CFAP65: variants seen among roughly 807,000 people sequenced by gnomAD.
The protein encoded by CFAP65 is cilia and flagella associated protein 65, also known as cilia- and flagella-associated protein 65.
A neutral mutation model predicts 208.0 loss-of-function variants in CFAP65; 155 were observed. The ratio of observed to expected loss-of-function variants is 0.75; its 90% confidence interval spans 0.65 to 0.85. The LOEUF (loss-of-function observed/expected upper bound fraction) is 0.85, where lower values mean the gene tolerates loss of function less well. Ranked by LOEUF, CFAP65 falls within the 40% of genes least tolerant of loss-of-function variation. The probability of loss-of-function intolerance (pLI) is 0.00; values close to 1 mark genes in which losing one functional copy is unlikely to be tolerated. For missense variants in CFAP65, 2,294 were observed against 2,451.3 expected (o/e 0.94, Z 1.36); for synonymous variants, 970 against 986.3 (o/e 0.98, Z 0.31).
At chr2:219,029,766 G>C in intron 10 of CFAP65, 98 bp from the exon 11 acceptor site, 1 of 1,458,512 alleles carries the variant, frequency 6.9e-7, no homozygotes. Flanking sequence ...TACAGGCCCA[G>C]AGCCCTGGCA....
In CFAP65 at chr2:219,002,978, C is replaced by T. The variant is rs767706017; in HGVS notation, c.5737G>A (p.Val1913Ile). Residue 1913 changes from valine (V) to isoleucine (I), a missense_variant, in exon 35 of 35, where the codon GTA becomes ATA. Val to Ile is a conservative substitution (Grantham distance 29). Around this residue, in one of 2 missense-constraint regions of CFAP65, gnomAD observed 1,427 missense variants for 1,438.7 expected, o/e 0.99. Transcript: ENST00000341552. This position sits in a 1 kb window ranked among gnomAD's most constrained non-coding sequence, Gnocchi z 7.9. ...DTLLPTQQAE[V>I]LHPVVPLPTD... ...GGAAGTGGCACCACCGGGTGGAGTA[C>T]CTCTGCTTGCTGCGTCGGCAGCAGC... The T allele has an allele frequency of 6.4e-7, 1 of 1,565,890 alleles. No individual in the cohort carries two copies.
Position 219,004,015 on chromosome 2 carries a change from T to A in CFAP65, c.5492A>T (p.Gln1831Leu), listed in dbSNP as rs774247985. 30 of 1,613,980 alleles carry A rather than the reference T, an allele frequency of 1.9e-5. No individual in the cohort carries two copies. The highest frequency in any genetic ancestry group is 2.5e-5 in the Non-Finnish European group (29 of 1,180,030). ...CTTCACCATGACATTCAGCTGCTGT[T>A]GCCACTGCCATTGCATGGACTCCTG... Reference protein sequence around the residue: ...ESQESMQWQWQQQLNVMVKEE... With the variant: ...ESQESMQWQWLQQLNVMVKEE... Residue 1831 changes from glutamine (Q) to leucine (L), a missense_variant, in exon 33 of 35, where the codon CAA (glutamine) becomes CTA (leucine). By Grantham distance (113) the Gln-to-Leu change is moderately radical (BLOSUM62 -2). Around this residue, in one of 2 missense-constraint regions of CFAP65, gnomAD observed 1,427 missense variants for 1,438.7 expected, o/e 0.99. Transcript: ENST00000341552. The surrounding 1 kb of genome is among the most constrained non-coding windows in gnomAD (Gnocchi z 4.7).
chr2:219,014,196 A>C (rs1249074670), intron 21 of CFAP65, 152 bp from the exon 22 acceptor site: 9 of 565,368 alleles, frequency 1.6e-5, no homozygotes, highest in Non-Finnish European at 2.6e-5. Context: ...GTGCCTGAGC[A>C]AATGTGGCTG....
intron 21 of CFAP65, among the ~76,000 whole-genome samples, chr2:219,017,607 C>T (rs1946988821): frequency 6.6e-6 from 1 of 152,268 alleles, no homozygotes; most frequent in African/African-American, 2.4e-5. Flanking sequence ...CTCAGATGAT[C>T]TCCTGATGGA....
rs1344637525 is a variant in CFAP65 at position 219,004,957 on chromosome 2, TTCTC to T, written c.5051+473_5051+476del. 4.2e-5 allele frequency among the ~76,000 whole-genome samples: 6 copies of T among 144,102 alleles called. No homozygotes were observed. Among genetic ancestry groups the T allele is most frequent in the Admixed American group, 2.0e-4 (3 of 14,846 alleles). 94.5% of individuals were successfully genotyped at this position (144,102 alleles called of 152,430 possible). A position where few individuals can be genotyped will look rare whatever the true frequency, so the allele number is the denominator to read the frequency against. On this transcript the variant is annotated intron_variant, in intron 32 of 34. Coordinates refer to ENST00000341552, the MANE Select transcript of CFAP65 (RefSeq NM_194302.4). This position sits in a 1 kb window ranked among gnomAD's most constrained non-coding sequence, Gnocchi z 4.7. Reference sequence around the variant, plus strand: ...CTTTTTTCTTTCTTTCTTTCTTTCTTTCTCTCTCTTTCTTTCTTTCTCTCTTTCT... The same window carrying T: ...CTTTTTTCTTTCTTTCTTTCTTTCTTTCTCTTTCTTTCTTTCTCTCTTTCT...
In CFAP65 at chr2:219,006,169, G is replaced by T. The variant is rs575383861; in HGVS notation, c.4774C>A (p.Leu1592Met). ...GACACCTCCTCCTTTGGGGTCTGCA[G>T]TTTCCAGCTGGCAGGCCGGCTGACA... ...QSVSRPASWK[L>M]QTPKEEVSWP... Residue 1592 changes from leucine to methionine, a missense_variant, in exon 31 of 35, where the codon CTG (leucine) becomes ATG (methionine). This residue lies in a region of CFAP65 where 1,427 missense variants were observed against 1,438.7 expected (regional missense o/e 0.99). Transcript: ENST00000341552. 6 of 1,612,486 alleles carry T rather than the reference G, an allele frequency of 3.7e-6. No homozygotes were observed. In the African/African-American group the frequency reaches 4.0e-5, roughly 11 times the overall value.
chr2:219,027,499 A>G, intron 13 of CFAP65, 151 bp downstream of exon 13: 1 of 1,593,958 alleles, frequency 6.3e-7, no homozygotes, highest in Non-Finnish European at 8.5e-7. Context: ...GGAGGAGACA[A>G]ACTCATAGGG....
intron 23 of CFAP65, 63 bp from the exon 24 acceptor site, chr2:219,013,432 C>G (rs1325924421): frequency 2.6e-6 from 4 of 1,544,202 alleles, no homozygotes; most frequent in Non-Finnish European, 3.5e-6. Context: ...CCCCAGTTCC[C>G]CAGGAGAACA....
chr2:219,005,050 G>A (rs1945864185), intron 32 of CFAP65, among the ~76,000 whole-genome samples: 1 of 149,928 alleles, frequency 6.7e-6, no homozygotes, highest in Admixed American at 6.7e-5. Context: ...CTGTCTCCCA[G>A]GCTGGAGTAC....
rs951191150 is a variant in CFAP65 at position 219,030,179 on chromosome 2, G to A, written c.1191C>T (p.Ser397=). ...CCTGGTCTTCGGCCAGTTCATCCGG[G>A]GAAATTTCAATCCTGAAGGGGGCAT... ...AVNAPFRIEI[S]PDELAEDQAF... The change falls in exon 10 of 35, where the codon TCC becomes TCT. Residue 397 remains serine (S), a synonymous_variant. Coordinates refer to ENST00000341552, the MANE Select transcript of CFAP65 (RefSeq NM_194302.4). The A allele has an allele frequency of 1.2e-6, 2 of 1,613,992 alleles. No individual in the cohort carries two copies. The highest frequency in any genetic ancestry group is 2.7e-5 in the African/African-American group (2 of 74,886).
intron 4 of CFAP65, 61 bp downstream of exon 4, chr2:219,038,314 C>A: frequency 6.6e-7 from 1 of 1,523,090 alleles, no homozygotes; most frequent in Non-Finnish European, 9.0e-7. Context: ...ACTGCCCTGC[C>A]ACCCATGCCC....
rs773843180 is a variant in CFAP65, at chr2:219,010,979, AT to A, written c.3974del (p.Asn1325MetfsTer7). 5.0e-6 allele frequency: 8 copies of A among 1,607,960 alleles called. No individual in the cohort carries two copies. Among genetic ancestry groups the A allele is most frequent in the Non-Finnish European group, 6.8e-6 (8 of 1,175,214 alleles). ...LPPRQIYELY[N>X]GGSVPVTYEV... Reference sequence around the variant, plus strand: ...CATATGTCACGGGCACTGAGCCACCATTATACAGCTCATAAATCTGCAGGGG... The same window carrying A: ...CATATGTCACGGGCACTGAGCCACCATATACAGCTCATAAATCTGCAGGGG... On this transcript the variant is annotated frameshift_variant, in exon 25 of 35. Coordinates refer to ENST00000341552, the MANE Select transcript of CFAP65 (RefSeq NM_194302.4). LOFTEE classifies it high-confidence loss of function.
intron 27 of CFAP65, 35 bp from the exon 28 acceptor site, chr2:219,009,495 C>G (rs1170900379): frequency 6.9e-7 from 1 of 1,449,326 alleles, no homozygotes; most frequent in South Asian, 1.1e-5. Context: ...TGGAGATTCA[C>G]AGGGATGGAA....
chr2:219,023,516 G>A (rs577835584), intron 15 of CFAP65, 85 bp from the exon 16 acceptor site: 717 of 1,010,882 alleles, frequency 7.1e-4, no homozygotes, highest in Non-Finnish European at 3.3e-4. Context: ...CCATGGCTAG[G>A]CAGCTTTCCC....
chr2:219,010,946 C>T lies in CFAP65; in HGVS notation c.4008G>A (p.Gln1336=). ...GGSVPVTYEV[Q]TDVLSQVQEK... ...CCTGAACCTGTGACAGGACATCGGT[C>T]TGGACCTCATATGTCACGGGCACTG... The change falls in exon 25 of 35, where the codon CAG becomes CAA. Residue 1336 remains glutamine (Q), a synonymous_variant. Transcript: ENST00000341552. The T allele has an allele frequency of 6.2e-7, 1 of 1,613,830 alleles. No homozygotes were observed. The highest frequency in any genetic ancestry group is 8.5e-7 in the Non-Finnish European group (1 of 1,179,964).
rs551111190 is a variant in CFAP65, at chr2:219,031,055, C to T, written c.1015+51G>A. The T allele has an allele frequency of 1.3e-6, 2 of 1,538,192 alleles. No homozygotes were observed. The highest frequency in any genetic ancestry group is 4.9e-5 in the East Asian group (2 of 41,212). ...GGGGGACACTGAGGCCTGGAGGACC[C>T]AGAAGGTGCAGGAGGGGCCAGTCTG... is the stretch of plus-strand genomic sequence containing the variant. On this transcript the variant is annotated intron_variant, in intron 8 of 34. Transcript: ENST00000341552. The surrounding 1 kb of genome is among the most constrained non-coding windows in gnomAD (Gnocchi z 5.2).
chr2:219,023,140 G>A (rs1417433878), intron 16 of CFAP65, 67 bp downstream of exon 16: 1 of 1,383,540 alleles, frequency 7.2e-7, no homozygotes, highest in African/African-American at 1.4e-5. Flanking sequence ...TCTGGGCTAT[G>A]ATAGGCACAA....
rs762262153 is a variant in CFAP65 at position 219,019,077 on chromosome 2, C to T, written c.3576G>A (p.Lys1192=). 2.5e-6 allele frequency: 4 copies of T among 1,614,248 alleles called. No individual in the cohort carries two copies. The highest frequency in any genetic ancestry group is 3.4e-6 in the Non-Finnish European group (4 of 1,180,040). ...AGTCCAGGGACACCACTCCGCTGTT[C>T]TTCAGGGCCAGGAATACCACGGAAG... The part of the protein sequence containing the change: ...APPSVVFLAL[K]NSGVVSLDWA... Residue 1192 remains lysine (K), a synonymous_variant, in exon 21 of 35, where the codon AAG becomes AAA. Transcript: ENST00000341552.
chr2:219,028,782 T>A (rs1200250104), intron 11 of CFAP65, among the ~76,000 whole-genome samples: 1 of 152,144 alleles, frequency 6.6e-6, no homozygotes, highest in Non-Finnish European at 1.5e-5. Context: ...GGGCTTCTGT[T>A]CTTTCCTCCA....
Sources: gnomAD v4.1 joint callset for allele counts (sites outside exome capture counted in the v4.1 genomes callset) on GRCh38, gnomAD v4.1.1 for gene constraint, gnomAD v4.1.1 regional missense constraint, Gnocchi (gnomAD v3.1) non-coding constraint, MANE v1.5 for transcripts, NCBI Gene and HGNC (gene_info 2026-07-23, HGNC 2026-07-21) for gene names.